TASP1: variants seen among roughly 807,000 people sequenced by gnomAD.
TASP1 encodes threonine aspartase 1.
A neutral mutation model predicts 56.6 loss-of-function variants in TASP1; 16 were observed. The ratio of observed to expected loss-of-function variants is 0.28; its 90% CI spans 0.19 to 0.43. TASP1 has a LOEUF of 0.43. Ranked by LOEUF, TASP1 falls within the 20% of genes least tolerant of loss-of-function variation. The pLI is 1.00. For missense variants in TASP1, 393 were observed against 511.6 expected (o/e 0.77, Z 2.24); for synonymous variants, 179 against 184.2 (o/e 0.97, Z 0.23).
the TASP1 span, among the ~76,000 whole-genome samples, chr20:13,356,738 C>T: frequency 3.2e-4 from 49 of 152,288 alleles, no homozygotes; most frequent in African/African-American, 1.1e-3. Context: ...AAAGGCCTGC[C>T]TTAAACCACT....
the TASP1 span, among the ~76,000 whole-genome samples, chr20:13,282,086 G>A: frequency 2.0e-5 from 3 of 152,138 alleles, no homozygotes; most frequent in Admixed American, 1.3e-4. Context: ...GCTGCATTGC[G>A]CACCTCTGTT....
chr20:13,511,290 C>T (rs1250493916), intron 10 of TASP1, among the ~76,000 whole-genome samples: 1 of 151,856 alleles, frequency 6.6e-6, no homozygotes, highest in African/African-American at 2.4e-5. Flanking sequence ...AGAAAGAAGC[C>T]AACAATGAAG....
At chr20:13,629,029 A>C (rs1224468894) in intron 2 of TASP1, among the ~76,000 whole-genome samples, 4 of 152,172 alleles carry the variant, frequency 2.6e-5, no homozygotes, top group Non-Finnish European at 5.9e-5. Flanking sequence ...GAAGTCTCTT[A>C]AGTCACTTAA....
At chr20:13,393,759 C>T in intron 13 of TASP1, 1 of 649,562 alleles carries the variant, frequency 1.5e-6, no homozygotes. Flanking sequence ...ACACTCAGTC[C>T]CCTACCACAC....
At chr20:13,579,666 G>A (rs541933055) in intron 6 of TASP1, among the ~76,000 whole-genome samples, 1 of 152,198 alleles carries the variant, frequency 6.6e-6, no homozygotes, top group African/African-American at 2.4e-5. Flanking sequence ...CACTTTCAGA[G>A]TTATCAGGAA....
chr20:13,350,215 C>T, the TASP1 span, among the ~76,000 whole-genome samples: 1 of 141,854 alleles, frequency 7.0e-6, no homozygotes, highest in African/African-American at 2.9e-5. Flanking sequence ...ATAAAAACTC[C>T]AAAAACTAAT....
intron 11 of TASP1, among the ~76,000 whole-genome samples, chr20:13,482,635 T>C (rs1356703575): frequency 1.3e-5 from 2 of 152,194 alleles, no homozygotes; most frequent in Admixed American, 6.5e-5. Context: ...TAGTGAACTT[T>C]TGATGAGCAT....
At chr20:13,295,778 G>A in the TASP1 span, among the ~76,000 whole-genome samples, 4 of 152,212 alleles carry the variant, frequency 2.6e-5, no homozygotes, top group African/African-American at 7.2e-5. Context: ...TGGAGGAGTC[G>A]CTTGTCGGGC....
chr20:13,493,883 G>A (rs2043629327), intron 10 of TASP1, among the ~76,000 whole-genome samples: 2 of 152,106 alleles, frequency 1.3e-5, no homozygotes, highest in South Asian at 2.1e-4. Flanking sequence ...TTTAAATTTA[G>A]TTACCTAAAT....
chr20:13,514,012 A>AG (rs1288311779), intron 10 of TASP1, among the ~76,000 whole-genome samples: 1 of 152,174 alleles, frequency 6.6e-6, no homozygotes, highest in African/African-American at 2.4e-5. Flanking sequence ...AAAGCATAAC[A>AG]GGTAGAGCAG....
chr20:13,162,882 G>A, the TASP1 span, among the ~76,000 whole-genome samples: 8 of 152,054 alleles, frequency 5.3e-5, no homozygotes, highest in South Asian at 6.2e-4. Context: ...AGATGCCCAC[G>A]GTTCTTCTGC....
intron 4 of TASP1, among the ~76,000 whole-genome samples, chr20:13,614,329 T>A (rs905244671): frequency 1.3e-4 from 19 of 146,046 alleles, no homozygotes; most frequent in African/African-American, 4.2e-4. Flanking sequence ...ATACTTCATT[T>A]AAAAAAAAAA....
chr20:13,162,904 T>G, the TASP1 span, among the ~76,000 whole-genome samples: 2 of 151,804 alleles, frequency 1.3e-5, no homozygotes, highest in East Asian at 3.9e-4. Flanking sequence ...GTGTCCTCCC[T>G]CTCCCATCTC....
chr20:13,629,357 T>G (rs1043004162), intron 2 of TASP1, among the ~76,000 whole-genome samples: 1 of 102,534 alleles, frequency 9.8e-6, no homozygotes, highest in Non-Finnish European at 1.9e-5. Flanking sequence ...AGAGTAAAAC[T>G]CCATCTCAAA....
At chr20:13,296,280 C>T in the TASP1 span, among the ~76,000 whole-genome samples, 13,117 of 152,206 alleles carry the variant, frequency 0.086, 711 homozygotes, top group East Asian at 0.15. Flanking sequence ...AGCCCAGCTG[C>T]GCATGAATGC....
chr20:13,611,832 G>T (rs1263066809), intron 4 of TASP1, among the ~76,000 whole-genome samples: 1 of 152,182 alleles, frequency 6.6e-6, no homozygotes, highest in Non-Finnish European at 1.5e-5. Flanking sequence ...AGATAATTTA[G>T]AAGTCCAGAT....
the TASP1 span, among the ~76,000 whole-genome samples, chr20:13,155,179 C>A: frequency 6.6e-6 from 1 of 151,008 alleles, no homozygotes; most frequent in East Asian, 1.9e-4. Context: ...CAGAATGAGA[C>A]CCTGTCAAAA....
chr20:13,286,831 A>C, the TASP1 span, among the ~76,000 whole-genome samples: 6 of 152,336 alleles, frequency 3.9e-5, no homozygotes, highest in East Asian at 9.7e-4. Flanking sequence ...GGCCTATGTA[A>C]TAACAATCGC....
intron 10 of TASP1, among the ~76,000 whole-genome samples, chr20:13,488,785 C>G (rs1435827794): frequency 6.6e-6 from 1 of 152,124 alleles, no homozygotes; most frequent in Non-Finnish European, 1.5e-5. Flanking sequence ...CCCTTGAGCA[C>G]TCCAACTCCA....
Sources: allele counts gnomAD v4.1 joint callset (sites outside exome capture counted in the v4.1 genomes callset), GRCh38; gene constraint gnomAD v4.1.1; transcripts MANE v1.5; gene names NCBI Gene and HGNC (gene_info 2026-07-23, HGNC 2026-07-21).